Variants in HMGB1 observed in about 807,000 individuals in gnomAD.
The protein encoded by HMGB1 is high mobility group box 1.
For synonymous variants in HMGB1, 81 were observed against 84.0 expected, an observed-to-expected ratio of 0.96 and a Z score of 0.19; for missense variants, 79 against 253.5, an observed-to-expected ratio of 0.31 and a Z score of 4.67.
intron 1 of HMGB1, among the ~76,000 whole-genome samples, chr13:30,615,575 C>A (rs1315988890): frequency 6.6e-6 from 1 of 152,158 alleles, no homozygotes; most frequent in Non-Finnish European, 1.5e-5. Flanking sequence ...GTTTTCACCG[C>A]TTTCTGAATG....
intron 1 of HMGB1, among the ~76,000 whole-genome samples, chr13:30,601,507 A>G (rs1593338693): frequency 2.6e-5 from 1 of 38,526 alleles, no homozygotes; most frequent in East Asian, 2.8e-4. Context: ...GCACTTTGGG[A>G]GGCCGAGGCG....
intron 1 of HMGB1, among the ~76,000 whole-genome samples, chr13:30,607,241 C>T (rs1388624559): frequency 2.0e-5 from 3 of 152,170 alleles, no homozygotes; most frequent in Admixed American, 6.5e-5. Flanking sequence ...ATACTAAAAT[C>T]AAAATTGTAG....
chr13:30,549,073 G>A (rs1038251266), intron 1 of HMGB1, among the ~76,000 whole-genome samples: 1 of 152,064 alleles, frequency 6.6e-6, no homozygotes, highest in Non-Finnish European at 1.5e-5. Context: ...CAAGTAGGAG[G>A]AACTCTTGTG....
intron 1 of HMGB1, among the ~76,000 whole-genome samples, chr13:30,474,168 T>C (rs1403594450): frequency 1.3e-5 from 2 of 152,232 alleles, no homozygotes; most frequent in Non-Finnish European, 2.9e-5. Flanking sequence ...AATTGTACAC[T>C]GTAAGTGGGT....
Position 30,458,330 on chromosome 13 carries a change from T to TG in HMGB1, c.*3026dup, listed in dbSNP as rs1442100221. ...ATTCAAAAACCAGTTGTCTCTCCTG[T>TG]GTTTTTTTTTTTTTTTTGAGATGGA... On this transcript the variant is annotated 3_prime_UTR_variant, in exon 5 of 5. Transcript: ENST00000341423. 11 of 32,294 alleles carry TG rather than the reference T, an allele frequency of 3.4e-4. No homozygotes were observed. The East Asian group carries it at 8.9e-3, about 26-fold the overall frequency. The allele number at this position is 32,294 out of a possible 1,614,324, so 2.0% of individuals were successfully genotyped here.
chr13:30,593,778 C>G lies in HMGB1; in HGVS notation c.-15+22893G>C, dbSNP rs548802068. 2.1e-3 allele frequency among the ~76,000 whole-genome samples: 316 copies of G among 152,138 alleles called. 2 individuals are homozygous for G. The highest frequency in any genetic ancestry group is 2.7e-3 in the Non-Finnish European group (185 of 67,998). On this transcript the variant is annotated intron_variant, in intron 1 of 4. Transcript: ENST00000405805. ...TAATCATAAAAAAAATCAGACAGAT[C>G]CAAAATGTGGAACATTCCACTAAAA...
At chr13:30,477,277 C>G (rs961270369) in intron 1 of HMGB1, among the ~76,000 whole-genome samples, 1 of 145,142 alleles carries the variant, frequency 6.9e-6, no homozygotes, top group East Asian at 2.0e-4. Flanking sequence ...TTGCGATGGA[C>G]TCCGATTTTT....
chr13:30,557,176 A>G (rs1213604522), intron 1 of HMGB1, among the ~76,000 whole-genome samples: 1 of 152,208 alleles, frequency 6.6e-6, no homozygotes, highest in East Asian at 1.9e-4. Context: ...TATATCTAAA[A>G]TAATAATTGT....
At chr13:30,495,625 C>T (rs756859676) in intron 1 of HMGB1, among the ~76,000 whole-genome samples, 5 of 152,058 alleles carry the variant, frequency 3.3e-5, no homozygotes, top group African/African-American at 9.7e-5. Context: ...ACTACAGGCG[C>T]GTGCCGCCAC....
intron 1 of HMGB1, among the ~76,000 whole-genome samples, chr13:30,552,881 G>A (rs767720895): frequency 5.3e-5 from 8 of 152,108 alleles, no homozygotes; most frequent in African/African-American, 7.2e-5. Context: ...TACCTTGTGC[G>A]GATGCAACCT....
At chr13:30,591,027 C>CTTTTTTT (rs910554887) in intron 1 of HMGB1, among the ~76,000 whole-genome samples, 1 of 109,942 alleles carries the variant, frequency 9.1e-6, no homozygotes, top group African/African-American at 3.6e-5. Context: ...GAGGCAGGGC[C>CTTTTTTT]TTTTTTTTTT....
chr13:30,555,073 G>A (rs1363980822), intron 1 of HMGB1, among the ~76,000 whole-genome samples: 1 of 111,980 alleles, frequency 8.9e-6, no homozygotes, highest in Non-Finnish European at 1.7e-5. Flanking sequence ...CGGAGTCTCT[G>A]CTCTGTTGCC....
chr13:30,473,667 G>A (rs886070161), intron 1 of HMGB1, among the ~76,000 whole-genome samples: 2 of 152,112 alleles, frequency 1.3e-5, no homozygotes, highest in African/African-American at 2.4e-5. Context: ...AAATGTAAAC[G>A]GGCAGGTGTT....
intron 1 of HMGB1, chr13:30,543,130 T>G (rs957400591): frequency 6.7e-6 from 1 of 148,406 alleles, no homozygotes; most frequent in Admixed American, 6.7e-5. Context: ...TTTTTTTTTT[T>G]TTTTTTTTTT....
intron 1 of HMGB1, among the ~76,000 whole-genome samples, chr13:30,570,222 A>G (rs900810611): frequency 2.0e-5 from 3 of 152,218 alleles, no homozygotes; most frequent in African/African-American, 7.2e-5. Context: ...GAAGGCCAAG[A>G]TGGGTGGATC....
Position 30,586,228 on chromosome 13 carries a change from A to C in HMGB1, c.-15+30443T>G, listed in dbSNP as rs17074761. ...CACAGCTATGCCTGGCTAATTACTCAATCTTTAACATAGCTGATAATTCCC... is the reference window on the plus strand; with the variant it reads ...CACAGCTATGCCTGGCTAATTACTCCATCTTTAACATAGCTGATAATTCCC... On this transcript the variant is annotated intron_variant, in intron 1 of 4. Transcript: ENST00000405805. 7.5e-3 allele frequency among the ~76,000 whole-genome samples: 1,139 copies of C among 152,114 alleles called. 54 individuals are homozygous for C. Among genetic ancestry groups the C allele is most frequent in the Admixed American group, 0.062 (946 of 15,260 alleles).
At chr13:30,510,186 T>C (rs1055955111) in intron 1 of HMGB1, among the ~76,000 whole-genome samples, 2 of 152,212 alleles carry the variant, frequency 1.3e-5, no homozygotes, top group African/African-American at 2.4e-5. Flanking sequence ...TACCAGTGGA[T>C]AGACAGGACA....
intron 1 of HMGB1, chr13:30,540,515 C>T (rs927558225): frequency 9.8e-5 from 16 of 164,074 alleles, no homozygotes; most frequent in Non-Finnish European, 2.0e-4. Flanking sequence ...GATGTGCTGG[C>T]CACACTCTAC....
At chr13:30,507,348 C>A (rs895715947) in intron 1 of HMGB1, among the ~76,000 whole-genome samples, 1 of 152,216 alleles carries the variant, frequency 6.6e-6, no homozygotes, top group East Asian at 1.9e-4. Context: ...GAGGTGGCAC[C>A]TGGAACCCAG....
Sources: allele counts gnomAD v4.1 joint callset (sites outside exome capture counted in the v4.1 genomes callset), GRCh38; gene constraint gnomAD v4.1.1; transcripts MANE v1.5; gene names NCBI Gene and HGNC (gene_info 2026-07-23, HGNC 2026-07-21).